The following AGBL1 variants were observed in gnomAD, a reference collection of about 807,000 sequenced individuals.
AGBL1 encodes the protein AGBL carboxypeptidase 1, also known as cytosolic carboxypeptidase 4.
In AGBL1, 130 loss-of-function variants were observed where a neutral mutation model predicts 118.9. The observed-to-expected ratio is 1.09, with a 90% CI of 0.95 to 1.26. The LOEUF (loss-of-function observed/expected upper bound fraction) is 1.26. Among genes scored for constraint, AGBL1 ranks in the 50% most tolerant of loss-of-function variants. The probability of loss-of-function intolerance (pLI) is 0.00; values close to 1 mark genes in which losing one functional copy is unlikely to be tolerated. For synonymous variants in AGBL1, 555 were observed against 478.9 expected (o/e 1.16, Z -2.08); for missense variants, 1,584 against 1,298.1 (o/e 1.22, Z -3.38).
intron 18 of AGBL1, among the ~76,000 whole-genome samples, chr15:86,425,466 C>A (rs1373501465): frequency 6.6e-6 from 1 of 151,942 alleles, no homozygotes; most frequent in Admixed American, 6.6e-5. Context: ...TGCAGCAAAC[C>A]ACCATGGCAT....
chr15:86,996,437 T>C (rs566757057), intron 24 of AGBL1, among the ~76,000 whole-genome samples: 168 of 152,316 alleles, frequency 1.1e-3, no homozygotes, highest in Non-Finnish European at 1.8e-3. Flanking sequence ...TGTGCACTGC[T>C]TCTTTAATCT....
chr15:86,772,345 A>C (rs141175968), intron 22 of AGBL1, among the ~76,000 whole-genome samples: 2 of 152,044 alleles, frequency 1.3e-5, no homozygotes, highest in Non-Finnish European at 2.9e-5. Context: ...AATCTCTAAG[A>C]TGTTTCTGTG....
At chr15:86,275,284 T>A (rs7165308) in intron 15 of AGBL1, among the ~76,000 whole-genome samples, 1,588 of 152,300 alleles carry the variant, frequency 0.01, 37 homozygotes, top group African/African-American at 0.034. Flanking sequence ...AGCTCACTCA[T>A]GAAGATGAAT....
At chr15:86,084,720 G>A (rs577719797) in intron 1 of AGBL1, among the ~76,000 whole-genome samples, 3 of 152,280 alleles carry the variant, frequency 2.0e-5, no homozygotes, top group South Asian at 4.2e-4. Flanking sequence ...TCCTGATTTG[G>A]TGTGGGGGTA....
intron 4 of AGBL1, among the ~76,000 whole-genome samples, chr15:86,155,543 A>G (rs966447657): frequency 6.6e-6 from 1 of 152,250 alleles, no homozygotes; most frequent in Non-Finnish European, 1.5e-5. Context: ...TTTTAATTCT[A>G]TTCCATATGG....
At chr15:87,024,975 T>C (rs905273856) in intron 24 of AGBL1, among the ~76,000 whole-genome samples, 7 of 151,964 alleles carry the variant, frequency 4.6e-5, no homozygotes, top group Admixed American at 1.3e-4. Context: ...ACAAGGGACA[T>C]ACCTCAATAT....
chr15:86,506,470 G>A (rs1173836969), intron 18 of AGBL1, among the ~76,000 whole-genome samples: 2 of 151,942 alleles, frequency 1.3e-5, no homozygotes, highest in African/African-American at 4.8e-5. Context: ...GTTTCCATTC[G>A]GGAAGATTTG....
chr15:86,854,535 C>T (rs1448267956), intron 22 of AGBL1, among the ~76,000 whole-genome samples: 5 of 152,146 alleles, frequency 3.3e-5, no homozygotes, highest in Admixed American at 2.0e-4. Context: ...CCCAAATAAA[C>T]AGTCAATTTG....
intron 21 of AGBL1, among the ~76,000 whole-genome samples, chr15:86,556,723 T>C (rs1464823138): frequency 6.6e-6 from 1 of 152,242 alleles, no homozygotes; most frequent in Non-Finnish European, 1.5e-5. Context: ...GAGTCCCAGT[T>C]GAGTCTTGAG....
chr15:86,289,317 G>A (rs2079507673), intron 16 of AGBL1, among the ~76,000 whole-genome samples: 2 of 151,952 alleles, frequency 1.3e-5, no homozygotes, highest in Admixed American at 6.6e-5. Context: ...CTTATGCAAT[G>A]TGGACCATCA....
chr15:86,119,503 G>A (rs946970226), intron 1 of AGBL1, among the ~76,000 whole-genome samples: 1 of 152,260 alleles, frequency 6.6e-6, no homozygotes, highest in East Asian at 1.9e-4. Flanking sequence ...TTCAATAGTC[G>A]TGATAAGTGG....
At chr15:86,773,477 T>TATC (rs1385926997) in intron 22 of AGBL1, among the ~76,000 whole-genome samples, 2 of 149,996 alleles carry the variant, frequency 1.3e-5, no homozygotes, top group African/African-American at 4.9e-5. Context: ...ACATTAGGTA[T>TATC]ATCTCCTAAT....
At chr15:86,693,570 CTT>C (rs2086208670) in intron 22 of AGBL1, among the ~76,000 whole-genome samples, 2 of 151,636 alleles carry the variant, frequency 1.3e-5, no homozygotes, top group African/African-American at 4.8e-5. Context: ...TACTCTGTTC[CTT>C]TTGCTGTGCA....
At chr15:86,371,883 G>T (rs6496325) in intron 17 of AGBL1, among the ~76,000 whole-genome samples, 5,421 of 152,204 alleles carry the variant, frequency 0.036, 318 homozygotes, top group African/African-American at 0.12. Flanking sequence ...CTGCTTGTAG[G>T]GGGGAGGTGA....
intron 6 of AGBL1, among the ~76,000 whole-genome samples, chr15:86,246,420 GC>G (rs1433044156): frequency 3.9e-5 from 6 of 152,200 alleles, no homozygotes; most frequent in Admixed American, 2.6e-4. Context: ...GTGGGACTGG[GC>G]CTTTTTTAAG....
chr15:86,480,045 T>A (rs2082629084), intron 18 of AGBL1, among the ~76,000 whole-genome samples: 1 of 151,830 alleles, frequency 6.6e-6, no homozygotes, highest in Admixed American at 6.6e-5. Context: ...ATGAGAACAC[T>A]TGAGCACAGG....
chr15:86,547,868 T>A (rs1409315569), intron 20 of AGBL1, among the ~76,000 whole-genome samples: 1 of 152,200 alleles, frequency 6.6e-6, no homozygotes, highest in African/African-American at 2.4e-5. Context: ...ATTCATGGGC[T>A]ACTATGACAT....
chr15:86,739,443 C>CAA (rs34530266), intron 22 of AGBL1, among the ~76,000 whole-genome samples: 5,067 of 65,060 alleles, frequency 0.078, 563 homozygotes, highest in African/African-American at 0.22. Flanking sequence ...AACTCCATCT[C>CAA]AAAAAAAAAA....
In AGBL1 at chr15:86,247,759, C is replaced by G; in HGVS notation, c.615C>G (p.Asn205Lys). Residue 205 changes from asparagine to lysine, a missense_variant, in exon 7 of 23, where the codon AAC (asparagine) becomes AAG (lysine). Coordinates refer to ENST00000614907, the MANE Select transcript of AGBL1 (RefSeq NM_001386094.1). ...ACTGGCACAGCCATGACACAGCCAA[C>G]GCCTACGTGCAGATCCGACGGGGCT... Reference protein sequence around the residue: ...HQDWHSHDTANAYVQIRRGLL... With the variant: ...HQDWHSHDTAKAYVQIRRGLL... 1 of 1,613,912 alleles carries G rather than the reference C, an allele frequency of 6.2e-7. No homozygotes were observed. The highest frequency in any genetic ancestry group is 2.2e-5 in the East Asian group (1 of 44,878).
Sources: allele counts gnomAD v4.1 joint callset (sites outside exome capture counted in the v4.1 genomes callset), GRCh38; gene constraint gnomAD v4.1.1; transcripts MANE v1.5; gene names NCBI Gene and HGNC (gene_info 2026-07-23, HGNC 2026-07-21).